The following CD164 variants were observed in gnomAD, a reference collection of about 807,000 sequenced individuals.
CD164 encodes sialomucin core protein 24.
CD164 carries 11 observed loss-of-function variants against 24.6 expected under a neutral mutation model. The observed-to-expected ratio is 0.45, with a 90% CI of 0.28 to 0.74. CD164 has a LOEUF of 0.74. Ranked by LOEUF, CD164 falls within the 30% of genes least tolerant of loss-of-function variation. The pLI is 0.13. For missense variants in CD164, 295 were observed against 243.7 expected (o/e 1.21, Z -1.40); for synonymous variants, 126 against 100.3 (o/e 1.26, Z -1.53).
chr6:109,368,575 C>A lies in CD164; in HGVS notation c.*276G>T. The A allele has an allele frequency of 7.5e-7, 1 of 1,331,622 alleles. No homozygotes were observed. The highest frequency in any genetic ancestry group is 2.2e-5 in the South Asian group (1 of 46,088). 82.5% of individuals were successfully genotyped at this position (1,331,622 alleles called of 1,614,324 possible). Reference sequence around the variant, plus strand: ...ATCACTTTCAGAAAGTTATATTTGGCATGTTAAGGAAAAAAAATATAATCC... The same window carrying A: ...ATCACTTTCAGAAAGTTATATTTGGAATGTTAAGGAAAAAAAATATAATCC... On this transcript the variant is annotated 3_prime_UTR_variant, in exon 6 of 6. Transcript: ENST00000310786.
chr6:109,378,944 A>G (rs918307074), intron 2 of CD164, among the ~76,000 whole-genome samples: 1 of 151,870 alleles, frequency 6.6e-6, no homozygotes, highest in Admixed American at 6.6e-5. Flanking sequence ...CAACCACTTT[A>G]CATTAAAAAA....
intron 5 of CD164, 137 bp downstream of exon 5, chr6:109,370,274 A>G (rs1771003182): frequency 1.5e-6 from 1 of 671,698 alleles, no homozygotes; most frequent in East Asian, 2.9e-5. Flanking sequence ...CACTACCTTG[A>G]TCCCCCCTAA....
In CD164 at chr6:109,368,341, C is replaced by A; in HGVS notation, c.*510G>T. ...CATCTTATTTCTAATGTAGAAAAAA[C>A]AGCTGTTATCAAGCACAAAATTTTA... On this transcript the variant is annotated 3_prime_UTR_variant, in exon 6 of 6. Coordinates refer to ENST00000310786, the MANE Select transcript of CD164 (RefSeq NM_006016.6). The A allele has an allele frequency of 6.5e-7, 1 of 1,533,070 alleles. No individual in the cohort carries two copies. Among genetic ancestry groups the A allele is most frequent in the South Asian group, 1.2e-5 (1 of 81,480 alleles). The allele number at this position is 1,533,070 out of a possible 1,614,324, so 95.0% of individuals were successfully genotyped here. A position where few individuals can be genotyped will look rare whatever the true frequency, so the allele number is the denominator to read the frequency against.
intron 4 of CD164, among the ~76,000 whole-genome samples, chr6:109,375,621 A>C (rs955589533): frequency 4.2e-5 from 5 of 120,272 alleles, no homozygotes; most frequent in African/African-American, 2.6e-4. Flanking sequence ...CGCTTCCAAA[A>C]AAAAAAAAAG....
intron 4 of CD164, chr6:109,372,742 C>A (rs945453984): frequency 3.9e-5 from 6 of 152,032 alleles, no homozygotes; most frequent in African/African-American, 7.2e-5. Context: ...TCTGTGTAAC[C>A]ACAAAAAAAT....
At chr6:109,373,964 G>C (rs1202122423) in intron 4 of CD164, among the ~76,000 whole-genome samples, 1 of 152,186 alleles carries the variant, frequency 6.6e-6, no homozygotes, top group African/African-American at 2.4e-5. Context: ...ACACCACTGC[G>C]TAAGTGTTTC....
At chr6:109,369,573 T>A (rs989443032) in intron 5 of CD164, among the ~76,000 whole-genome samples, 1 of 152,198 alleles carries the variant, frequency 6.6e-6, no homozygotes, top group Non-Finnish European at 1.5e-5. Flanking sequence ...AATATCTGAA[T>A]TCTTTTCAGG....
chr6:109,370,291 GAGA>G, intron 5 of CD164, 117 bp downstream of exon 5: 1 of 762,602 alleles, frequency 1.3e-6, no homozygotes, highest in Non-Finnish European at 2.3e-6. Context: ...CTAAGAGTAA[GAGA>G]AGAATTTCAG....
intron 1 of CD164, 188 bp downstream of exon 1, chr6:109,382,016 G>C (rs1002994930): frequency 1.2e-4 from 53 of 435,542 alleles, no homozygotes; most frequent in African/African-American, 9.8e-4. Context: ...CCCCCAGCGC[G>C]CTCCCCACCC....
At position 109,366,662 on chromosome 6, in the gene CD164, T is replaced by C. The variant is rs986099400; in HGVS notation, c.*2189A>G. 2 of 152,606 alleles carry C rather than the reference T, an allele frequency of 1.3e-5. No individual in the cohort carries two copies. Among genetic ancestry groups the C allele is most frequent in the Admixed American group, 6.5e-5 (1 of 15,272 alleles). The allele number at this position is 152,606 out of a possible 1,614,324, so 9.5% of individuals were successfully genotyped here. On this transcript the variant is annotated 3_prime_UTR_variant, in exon 6 of 6. Transcript: ENST00000310786. ...ATATCTGTAAGGTAAAATAAGGTAT[T>C]TGATAGAAGAACATCTGCAAGAACA... is the stretch of plus-strand genomic sequence containing the variant.
chr6:109,369,836 T>C (rs1770978862), intron 5 of CD164, among the ~76,000 whole-genome samples: 1 of 152,124 alleles, frequency 6.6e-6, no homozygotes, highest in African/African-American at 2.4e-5. Context: ...TTTTTAAAAA[T>C]ATGGAGGGAG....
At position 109,379,754 on chromosome 6, in the gene CD164, TTACA is replaced by T. The variant is rs1771630894; in HGVS notation, c.176-96_176-93del. On this transcript the variant is annotated intron_variant, in intron 1 of 5. Transcript: ENST00000310786. The stretch of plus-strand genomic sequence containing the variant: ...TACTTATCTTTTTGAACAATAAGCA[TTACA>T]TACAGCATCAAAATTACTAATTCAG... 3 of 881,124 alleles carry T rather than the reference TTACA, an allele frequency of 3.4e-6. No individual in the cohort carries two copies. The East Asian group carries it at 7.6e-5, about 22-fold the overall frequency. 54.6% of individuals were successfully genotyped at this position (881,124 alleles called of 1,614,324 possible).
chr6:109,371,573 T>C (rs12193493), intron 4 of CD164: 47,341 of 153,658 alleles, frequency 0.31, 7,482 homozygotes, highest in Middle Eastern at 0.42. Flanking sequence ...TAAGTTTCTA[T>C]TGGTAGTATG....
rs748208120 is a variant in CD164, at chr6:109,382,367, G to C, written c.12C>G (p.Leu4=). The part of the protein sequence containing the change: MSR[L]SRSLLWAATC... Reference sequence around the variant, plus strand: ...TGGCGGCCCAAAGCAGTGAGCGGGAGAGCCGCGACATCGTGTCCTCAGCGC... The same window carrying C: ...TGGCGGCCCAAAGCAGTGAGCGGGACAGCCGCGACATCGTGTCCTCAGCGC... The change falls in exon 1 of 6, where the codon CTC becomes CTG. Residue 4 remains leucine, a synonymous_variant. Transcript: ENST00000310786. The C allele has an allele frequency of 1.9e-6, 3 of 1,546,322 alleles. No homozygotes were observed. The highest frequency in any genetic ancestry group is 1.4e-5 in the African/African-American group (1 of 73,158).
At chr6:109,378,042 T>TA (rs1262479939) in intron 2 of CD164, 71 bp from the exon 3 acceptor site, 2 of 1,287,678 alleles carry the variant, frequency 1.6e-6, no homozygotes, top group African/African-American at 2.9e-5. Flanking sequence ...ACTCTGCTAC[T>TA]AAGCTCTATG....
intron 1 of CD164, chr6:109,380,250 A>G (rs974075100): frequency 3.3e-5 from 5 of 152,282 alleles, no homozygotes; most frequent in Non-Finnish European, 5.9e-5. Flanking sequence ...AGTGCATACA[A>G]TTCAGGTTAA....
At chr6:109,377,436 TAAAA>T in intron 3 of CD164, among the ~76,000 whole-genome samples, 1 of 152,244 alleles carries the variant, frequency 6.6e-6, no homozygotes, top group Middle Eastern at 3.4e-3. Context: ...TAGTAAAGGT[TAAAA>T]ATTAATCAAG....
intron 1 of CD164, among the ~76,000 whole-genome samples, chr6:109,381,114 C>T (rs1771713321): frequency 1.3e-5 from 2 of 152,226 alleles, no homozygotes; most frequent in South Asian, 4.1e-4. Flanking sequence ...GTAAACATTA[C>T]TCCTTAACTA....
chr6:109,368,756 A>G lies in CD164; in HGVS notation c.*95T>C, dbSNP rs949376618. On this transcript the variant is annotated 3_prime_UTR_variant, in exon 6 of 6. Coordinates refer to ENST00000310786, the MANE Select transcript of CD164 (RefSeq NM_006016.6). ...CATGGAAATTTAAAGATCCTGGAAT[A>G]GCGTCTTCCATGTGGGACATCTTAA... 9 of 1,477,546 alleles carry G rather than the reference A, an allele frequency of 6.1e-6. No individual in the cohort carries two copies. The Admixed American group carries it at 2.4e-4, about 40-fold the overall frequency. The allele number at this position is 1,477,546 out of a possible 1,614,324, so 91.5% of individuals were successfully genotyped here. A position where few individuals can be genotyped will look rare whatever the true frequency, so the allele number is the denominator to read the frequency against.
Sources: gnomAD v4.1 joint callset for allele counts (sites outside exome capture counted in the v4.1 genomes callset) on GRCh38, gnomAD v4.1.1 for gene constraint, MANE v1.5 for transcripts, NCBI Gene and HGNC (gene_info 2026-07-23, HGNC 2026-07-21) for gene names.